The following SIPA1L3 variants were observed in gnomAD, a reference collection of about 807,000 sequenced individuals.
SIPA1L3 encodes signal-induced proliferation-associated 1-like protein 3.
In SIPA1L3, 59 loss-of-function variants were observed where a neutral mutation model predicts 150.1. That is an observed-to-expected ratio of 0.39 (90% confidence interval 0.32 to 0.49). The LOEUF (loss-of-function observed/expected upper bound fraction) is 0.49. Among genes scored for constraint, SIPA1L3 ranks in the 20% least tolerant of loss-of-function variants. The pLI, the probability that SIPA1L3 is intolerant of heterozygous loss-of-function variation, is 0.86. For missense variants in SIPA1L3, 2,211 were observed against 2,489.5 expected (o/e 0.89, Z 2.38); for synonymous variants, 1,070 against 1,077.6 (o/e 0.99, Z 0.14).
intron 2 of SIPA1L3, among the ~76,000 whole-genome samples, chr19:38,031,539 A>G (rs1392857088): frequency 1.3e-5 from 2 of 152,086 alleles, no homozygotes; most frequent in Non-Finnish European, 2.9e-5. Context: ...GAGGTTATTC[A>G]TTATTTGGAA....
At chr19:38,146,510 G>A (rs890189021) in intron 12 of SIPA1L3, among the ~76,000 whole-genome samples, 14 of 152,042 alleles carry the variant, frequency 9.2e-5, no homozygotes, top group African/African-American at 1.5e-4. Context: ...ATATTCATGC[G>A]GTGAACATGT....
At chr19:38,076,229 A>C (rs539893055) in intron 2 of SIPA1L3, among the ~76,000 whole-genome samples, 6 of 152,182 alleles carry the variant, frequency 3.9e-5, no homozygotes, top group Non-Finnish European at 8.8e-5. Context: ...ATATATGTAC[A>C]TTAGTCTATT....
At chr19:38,013,276 C>T (rs528793656) in intron 1 of SIPA1L3, among the ~76,000 whole-genome samples, 2 of 152,158 alleles carry the variant, frequency 1.3e-5, no homozygotes, top group South Asian at 2.1e-4. Context: ...CATTTCAGCT[C>T]GTACCAGGTC....
At chr19:38,140,132 A>T (rs1179755978) in intron 10 of SIPA1L3, among the ~76,000 whole-genome samples, 1 of 152,118 alleles carries the variant, frequency 6.6e-6, no homozygotes, top group Non-Finnish European at 1.5e-5. Context: ...AATTCAGGAG[A>T]CACTCAGAGG....
intron 1 of SIPA1L3, among the ~76,000 whole-genome samples, chr19:37,991,268 G>C (rs975680772): frequency 1.3e-5 from 2 of 152,098 alleles, no homozygotes; most frequent in African/African-American, 4.8e-5. Flanking sequence ...GTGCTTATTG[G>C]CCTTTTAAAA....
In SIPA1L3 at chr19:38,064,874, A is replaced by G. The variant is rs116670942; in HGVS notation, c.-310-16382A>G. Among the ~76,000 whole-genome samples the G allele has an allele frequency of 3.5e-3, 527 of 152,336 alleles. 3 individuals carry two copies. The highest frequency in any genetic ancestry group is 0.012 in the African/African-American group (501 of 41,566). ...ATAGAGAGACTAGGTTGCCTGCCCA[A>G]GGTCTAGCTAGTTAAGTGATGGAGC... On this transcript the variant is annotated intron_variant, in intron 2 of 21. Coordinates refer to ENST00000222345, the MANE Select transcript of SIPA1L3 (RefSeq NM_015073.3).
At chr19:38,157,401 G>T (rs899691239) in intron 13 of SIPA1L3, among the ~76,000 whole-genome samples, 3 of 152,204 alleles carry the variant, frequency 2.0e-5, no homozygotes, top group African/African-American at 7.2e-5. Context: ...GCACAGAAAG[G>T]TTGTCACTTG....
rs935032412 is a variant in SIPA1L3 at position 38,091,615 on chromosome 19, T to C, written c.1665+2764T>C. Among the ~76,000 whole-genome samples the C allele has an allele frequency of 7.9e-5, 12 of 152,044 alleles. No individual in the cohort carries two copies. In the East Asian group the frequency reaches 2.3e-3, roughly 29 times the overall value. Reference sequence around the variant, plus strand: ...CTTGCCCAAAGCACCCTCCAGGGAGTGGCAGGGCAGGGTGCCTGCCTGTGT... The same window carrying C: ...CTTGCCCAAAGCACCCTCCAGGGAGCGGCAGGGCAGGGTGCCTGCCTGTGT... On this transcript the variant is annotated intron_variant, in intron 4 of 21. Transcript: ENST00000222345.
chr19:38,162,374 G>A lies in SIPA1L3; in HGVS notation c.3780+3G>A, dbSNP rs1351537053. 1 of 1,611,216 alleles carries A rather than the reference G, an allele frequency of 6.2e-7. No individual in the cohort carries two copies. The highest frequency in any genetic ancestry group is 8.5e-7 in the Non-Finnish European group (1 of 1,177,364). ...ATTCCCCCAACAGGCATTCCAAAGT[G>A]AGTCTGGGCCCCACCCTGCCCTACC... is the stretch of plus-strand genomic sequence containing the variant. On this transcript the variant is annotated splice_donor_region_variant and intron_variant, in intron 14 of 21. Coordinates refer to ENST00000222345, the MANE Select transcript of SIPA1L3 (RefSeq NM_015073.3).
intron 4 of SIPA1L3, among the ~76,000 whole-genome samples, chr19:38,092,629 A>G (rs890339181): frequency 5.9e-5 from 9 of 152,156 alleles, no homozygotes; most frequent in Non-Finnish European, 1.3e-4. Flanking sequence ...CCTGGGATCC[A>G]TCCATTCCAC....
chr19:38,053,415 CAT>C (rs1969242890), intron 2 of SIPA1L3, among the ~76,000 whole-genome samples: 1 of 152,210 alleles, frequency 6.6e-6, no homozygotes, highest in Non-Finnish European at 1.5e-5. Context: ...CAAGGCCACA[CAT>C]CTAGGGAGTG....
intron 1 of SIPA1L3, among the ~76,000 whole-genome samples, chr19:37,955,724 C>T (rs1301931305): frequency 6.6e-6 from 1 of 152,190 alleles, no homozygotes; most frequent in African/African-American, 2.4e-5. Flanking sequence ...GTTCTTATTG[C>T]TGAATAATAT....
At chr19:38,191,567 C>T (rs1972804101) in intron 16 of SIPA1L3, among the ~76,000 whole-genome samples, 1 of 152,114 alleles carries the variant, frequency 6.6e-6, no homozygotes, top group South Asian at 2.1e-4. Context: ...AATCCCAGCA[C>T]TTTGGGGGGC....
At chr19:37,914,085 G>C (rs1336324440) in intron 1 of SIPA1L3, among the ~76,000 whole-genome samples, 1 of 151,692 alleles carries the variant, frequency 6.6e-6, no homozygotes, top group Non-Finnish European at 1.5e-5. Context: ...AACTGTGATG[G>C]AGAAAATTTA....
In SIPA1L3 at chr19:38,206,223, GAGA is replaced by G. The variant is rs779792051; in HGVS notation, c.5335_5337del (p.Lys1779del). ...CAAGTTTGCGGAGATCTTCTGCAGGGAGAAGAAGGAGCTCTGAGGTGGGAGGCC... is the reference window on the plus strand; with the variant it reads ...CAAGTTTGCGGAGATCTTCTGCAGGGAGAAGGAGCTCTGAGGTGGGAGGCC... On this transcript the variant is annotated inframe_deletion, in exon 22 of 22. Transcript: ENST00000222345. 1.2e-5 allele frequency: 19 copies of G among 1,559,724 alleles called. No homozygotes were observed. The highest frequency in any genetic ancestry group is 1.9e-5 in the Admixed American group (1 of 52,924).
Position 38,201,923 on chromosome 19 carries a change from T to G in SIPA1L3, c.5046T>G (p.Pro1682=), listed in dbSNP as rs1186445542. Residue 1682 remains proline (P), a synonymous_variant, in exon 20 of 22, where the codon CCT becomes CCG. Transcript: ENST00000222345. ...NDPALSPDIP[P]AHSPVHSHLS... The stretch of plus-strand genomic sequence containing the variant: ...CGGCCCTGAGCCCGGACATCCCGCC[T>G]GCACACAGTCCTGTCCACAGCCACC... The G allele has an allele frequency of 6.2e-7, 1 of 1,614,034 alleles. No homozygotes were observed. Among genetic ancestry groups the G allele is most frequent in the Non-Finnish European group, 8.5e-7 (1 of 1,179,980 alleles).
chr19:38,144,529 C>T (rs751593319), intron 12 of SIPA1L3, among the ~76,000 whole-genome samples: 4 of 152,234 alleles, frequency 2.6e-5, no homozygotes, highest in Non-Finnish European at 4.4e-5. Flanking sequence ...AATTTCTGAC[C>T]TGGTAGGTTC....
Position 38,064,880 on chromosome 19 carries a change from A to G in SIPA1L3, c.-310-16376A>G, listed in dbSNP as rs566273682. 3.3e-5 allele frequency among the ~76,000 whole-genome samples: 5 copies of G among 152,318 alleles called. No homozygotes were observed. The South Asian group carries it at 1.0e-3, about 32-fold the overall frequency. On this transcript the variant is annotated intron_variant, in intron 2 of 21. Coordinates refer to ENST00000222345, the MANE Select transcript of SIPA1L3 (RefSeq NM_015073.3). ...AGACTAGGTTGCCTGCCCAAGGTCT[A>G]GCTAGTTAAGTGATGGAGCTGGGAA...
rs560428476 is a variant in SIPA1L3, at chr19:38,207,193, G to A, written c.*953G>A. Reference sequence around the variant, plus strand: ...CTCAGGACAGGGCTGGAGGAGAACAGCCTTCATCTCCTCCTCTGGTTTTTT... The same window carrying A: ...CTCAGGACAGGGCTGGAGGAGAACAACCTTCATCTCCTCCTCTGGTTTTTT... On this transcript the variant is annotated 3_prime_UTR_variant, in exon 22 of 22. Coordinates refer to ENST00000222345, the MANE Select transcript of SIPA1L3 (RefSeq NM_015073.3). 3 of 151,834 alleles carry A rather than the reference G, an allele frequency of 2.0e-5. No individual in the cohort carries two copies. The highest frequency in any genetic ancestry group is 6.6e-5 in the Admixed American group (1 of 15,262). The allele number at this position is 151,834 out of a possible 1,614,324, so 9.4% of individuals were successfully genotyped here.
Sources: gnomAD v4.1 joint callset for allele counts (sites outside exome capture counted in the v4.1 genomes callset) on GRCh38, gnomAD v4.1.1 for gene constraint, MANE v1.5 for transcripts, NCBI Gene and HGNC (gene_info 2026-07-23, HGNC 2026-07-21) for gene names.